Variants in SRBD1 observed in about 807,000 individuals in gnomAD.
The protein encoded by SRBD1 is S1 RNA binding domain 1.
A neutral mutation model predicts 115.3 loss-of-function variants in SRBD1; 88 were observed. The ratio of observed to expected loss-of-function variants is 0.76; its 90% confidence interval spans 0.64 to 0.91. The LOEUF is 0.91. SRBD1 is among the 40% of genes least tolerant of loss of function. The probability of loss-of-function intolerance (pLI) is 0.00; values close to 1 mark genes in which losing one functional copy is unlikely to be tolerated. For missense variants in SRBD1, 1,385 were observed against 1,177.4 expected, an observed-to-expected ratio of 1.18 and a Z score of -2.58; for synonymous variants, 509 against 407.7, an observed-to-expected ratio of 1.25 and a Z score of -2.99.
At chr2:45,592,729 A>G (rs1223913568) in intron 4 of SRBD1, among the ~76,000 whole-genome samples, 1 of 152,196 alleles carries the variant, frequency 6.6e-6, no homozygotes, top group Middle Eastern at 3.2e-3. Flanking sequence ...TCACCTGTTG[A>G]GTCAACCCCC....
intron 14 of SRBD1, among the ~76,000 whole-genome samples, chr2:45,522,441 G>A (rs1466521771): frequency 1.3e-5 from 2 of 152,156 alleles, no homozygotes; most frequent in Non-Finnish European, 2.9e-5. Context: ...GCCTTCCAAA[G>A]TGCTGGGATT....
intron 4 of SRBD1, among the ~76,000 whole-genome samples, chr2:45,592,146 T>C (rs1246940643): frequency 6.6e-6 from 1 of 152,128 alleles, no homozygotes; most frequent in Non-Finnish European, 1.5e-5. Context: ...AAGAAGTGCC[T>C]TTTGCCTCCC....
At chr2:45,609,400 T>C (rs1454423591) in intron 1 of SRBD1, among the ~76,000 whole-genome samples, 1 of 152,236 alleles carries the variant, frequency 6.6e-6, no homozygotes, top group Non-Finnish European at 1.5e-5. Context: ...TCACTTGAAC[T>C]ACCACACTCG....
At chr2:45,496,446 A>G (rs960395968) in intron 14 of SRBD1, among the ~76,000 whole-genome samples, 10 of 152,174 alleles carry the variant, frequency 6.6e-5, no homozygotes, top group Non-Finnish European at 1.5e-4. Context: ...AACAGAAAAA[A>G]AGCAAAATGA....
chr2:45,452,311 T>G (rs939727558), intron 16 of SRBD1, among the ~76,000 whole-genome samples: 2 of 151,996 alleles, frequency 1.3e-5, no homozygotes, highest in African/African-American at 4.8e-5. Flanking sequence ...TTCTTATTTC[T>G]AAGCCAAATT....
rs115341914 is a variant in SRBD1, at chr2:45,435,049, T to A, written c.2050-15155A>T. Among the ~76,000 whole-genome samples, 1,036 of 152,196 alleles carry A rather than the reference T, an allele frequency of 6.8e-3. 16 individuals carry two copies. Among genetic ancestry groups the A allele is most frequent in the African/African-American group, 0.024 (987 of 41,522 alleles). On this transcript the variant is annotated intron_variant, in intron 16 of 20. Coordinates refer to ENST00000263736, the MANE Select transcript of SRBD1 (RefSeq NM_018079.5). Reference sequence around the variant, plus strand: ...TTGGTTTTCTGTCCTTGCGATAGGTTTGCTCAGAATGATGGTTTCCAGCTT... The same window carrying A: ...TTGGTTTTCTGTCCTTGCGATAGGTATGCTCAGAATGATGGTTTCCAGCTT...
intron 14 of SRBD1, among the ~76,000 whole-genome samples, chr2:45,538,621 A>C (rs1332306658): frequency 6.6e-6 from 1 of 152,244 alleles, no homozygotes; most frequent in East Asian, 1.9e-4. Context: ...AGACCTGTCC[A>C]TTATTTCAGC....
chr2:45,482,133 CTAT>C (rs1200755098), intron 15 of SRBD1, among the ~76,000 whole-genome samples: 1 of 152,026 alleles, frequency 6.6e-6, no homozygotes, highest in Non-Finnish European at 1.5e-5. Flanking sequence ...CTCAATGAAG[CTAT>C]TATTTTTTAA....
intron 19 of SRBD1, among the ~76,000 whole-genome samples, chr2:45,405,604 C>A (rs1667411486): frequency 6.6e-6 from 1 of 151,750 alleles, no homozygotes; most frequent in South Asian, 2.1e-4. Context: ...TCCAAGGAAG[C>A]AAGTAGAACA....
chr2:45,458,117 G>T (rs1015581130), intron 16 of SRBD1, among the ~76,000 whole-genome samples: 1 of 151,844 alleles, frequency 6.6e-6, no homozygotes, highest in African/African-American at 2.4e-5. Flanking sequence ...AAACCAAGGA[G>T]AACTTGTGAT....
Position 45,573,360 on chromosome 2 carries a change from T to G in SRBD1, c.1170-18A>C. The stretch of plus-strand genomic sequence containing the variant: ...TCTGGCACCTGTTCAGATACACAAG[T>G]GTTCAAAAAACAAGCAGTTATTAAT... On this transcript the variant is annotated intron_variant, in intron 8 of 20. Transcript: ENST00000263736. 1 of 1,590,574 alleles carries G rather than the reference T, an allele frequency of 6.3e-7. No individual in the cohort carries two copies. The highest frequency in any genetic ancestry group is 8.5e-7 in the Non-Finnish European group (1 of 1,172,844).
chr2:45,562,524 G>T, intron 10 of SRBD1, 129 bp downstream of exon 10: 1 of 648,600 alleles, frequency 1.5e-6, no homozygotes, highest in Non-Finnish European at 2.4e-6. Context: ...GAGCCACCGC[G>T]CCCGGCCTGT....
intron 2 of SRBD1, among the ~76,000 whole-genome samples, chr2:45,603,914 C>G (rs1053687828): frequency 2.0e-5 from 3 of 152,128 alleles, no homozygotes; most frequent in Non-Finnish European, 4.4e-5. Flanking sequence ...ACCTGAATGT[C>G]CAGCAATCAC....
At chr2:45,588,312 T>C (rs1232167725) in intron 4 of SRBD1, among the ~76,000 whole-genome samples, 1 of 152,234 alleles carries the variant, frequency 6.6e-6, no homozygotes, top group Non-Finnish European at 1.5e-5. Flanking sequence ...GATCATTAGA[T>C]GCCAGCCCAA....
At chr2:45,546,386 TCA>T (rs1397601807) in intron 14 of SRBD1, 3 of 974,372 alleles carry the variant, frequency 3.1e-6, no homozygotes, top group Non-Finnish European at 2.4e-6. Flanking sequence ...GCTAAGTTAT[TCA>T]CAGTCTACTA....
At chr2:45,584,723 G>A (rs924324784) in intron 5 of SRBD1, among the ~76,000 whole-genome samples, 8 of 152,184 alleles carry the variant, frequency 5.3e-5, no homozygotes, top group Admixed American at 1.3e-4. Flanking sequence ...GGTCAGTCTT[G>A]TAGTCTTTGT....
intron 19 of SRBD1, among the ~76,000 whole-genome samples, chr2:45,410,272 G>C (rs1365293029): frequency 6.6e-6 from 1 of 152,176 alleles, no homozygotes; most frequent in African/African-American, 2.4e-5. Flanking sequence ...AAGGTAACCA[G>C]AATTCTCATG....
chr2:45,460,745 T>C (rs1045807408), intron 16 of SRBD1, among the ~76,000 whole-genome samples: 7 of 152,204 alleles, frequency 4.6e-5, no homozygotes, highest in Admixed American at 1.3e-4. Context: ...TTACATAGTA[T>C]CAAAGATAAC....
Position 45,413,162 on chromosome 2 carries a change from G to A in SRBD1, c.2465C>T (p.Pro822Leu). 6.2e-7 allele frequency: 1 copy of A among 1,613,952 alleles called. No homozygotes were observed. Among genetic ancestry groups the A allele is most frequent in the East Asian group, 2.2e-5 (1 of 44,884 alleles). ...TAVNVLLKPN[P>L]LDQTCIHPES... Reference sequence around the variant, plus strand: ...TGGATGAATACAAGTTTGGTCCAAAGGATTTGGCTTCAGTAAAACATTCAC... The same window carrying A: ...TGGATGAATACAAGTTTGGTCCAAAAGATTTGGCTTCAGTAAAACATTCAC... The change falls in exon 19 of 21, where the codon CCT becomes CTT. Residue 822 changes from proline (P) to leucine (L), a missense_variant. By Grantham distance (98) the Pro-to-Leu change is moderately conservative. Transcript: ENST00000263736.
Sources: allele counts gnomAD v4.1 joint callset (sites outside exome capture counted in the v4.1 genomes callset), GRCh38; gene constraint gnomAD v4.1.1; transcripts MANE v1.5; gene names NCBI Gene and HGNC (gene_info 2026-07-23, HGNC 2026-07-21).